The following OPRD1 variants were observed in gnomAD, a reference collection of about 807,000 sequenced individuals.
The protein encoded by OPRD1 is delta-type opioid receptor.
A neutral mutation model predicts 17.5 loss-of-function variants in OPRD1; 19 were observed. That is an observed-to-expected ratio of 1.09 (90% CI 0.76 to 1.60). OPRD1 has a LOEUF of 1.60. OPRD1 is among the 40% of genes most tolerant of loss of function. The pLI, the probability that OPRD1 is intolerant of heterozygous loss-of-function variation, is 0.00. For missense variants in OPRD1, 483 were observed against 547.2 expected (o/e 0.88, Z 1.17); for synonymous variants, 256 against 240.9 (o/e 1.06, Z -0.58).
chr1:28,834,068 T>C (rs560309794), intron 1 of OPRD1, among the ~76,000 whole-genome samples: 16 of 152,212 alleles, frequency 1.1e-4, no homozygotes, highest in African/African-American at 3.4e-4. Context: ...CACTCCACCA[T>C]GCCTGACTAA....
intron 1 of OPRD1, among the ~76,000 whole-genome samples, chr1:28,857,988 T>C (rs1364722672): frequency 4.6e-5 from 7 of 151,882 alleles, no homozygotes; most frequent in Admixed American, 3.9e-4. Context: ...AGACAGGGTT[T>C]CACCATGTTG....
Position 28,859,303 on chromosome 1 carries a change from G to GGTGA in OPRD1, c.577+12_577+15dup, listed in dbSNP as rs771766280. 5.6e-5 allele frequency: 90 copies of GGTGA among 1,609,716 alleles called. 1 individual carries two copies. The East Asian group carries it at 7.6e-4, about 14-fold the overall frequency. On this transcript the variant is annotated frameshift_variant and splice_region_variant. Coordinates refer to ENST00000234961, the MANE Select transcript of OPRD1 (RefSeq NM_000911.4). LOFTEE classifies it high-confidence loss of function. ...GGTCATGGCTGTGACCCGTCCCCGGGGTGAGTGAGTGAGTGCACCATGGCA... is the reference window on the plus strand; with the variant it reads ...GGTCATGGCTGTGACCCGTCCCCGGGGTGAGTGAGTGAGTGAGTGCACCATGGCA...
At position 28,817,907 on chromosome 1, in the gene OPRD1, G is replaced by A. The variant is rs909455369; in HGVS notation, c.227+5297G>A. Among the ~76,000 whole-genome samples the A allele has an allele frequency of 4.0e-5, 6 of 148,266 alleles. No homozygotes were observed. The East Asian group carries it at 6.9e-4, about 17-fold the overall frequency. The stretch of plus-strand genomic sequence containing the variant: ...TTTAGTAGAGATGGGCGGGGCGGGG[G>A]GGGGGTTTCACCATGTTGGCCAGGC... On this transcript the variant is annotated intron_variant, in intron 1 of 2. Coordinates refer to ENST00000234961, the MANE Select transcript of OPRD1 (RefSeq NM_000911.4).
chr1:28,850,480 C>T (rs1178089042), intron 1 of OPRD1, among the ~76,000 whole-genome samples: 1 of 152,040 alleles, frequency 6.6e-6, no homozygotes, highest in Non-Finnish European at 1.5e-5. Context: ...CGCTCCACCA[C>T]GCCTGGCTAA....
chr1:28,840,505 G>A (rs2124274753), intron 1 of OPRD1, among the ~76,000 whole-genome samples: 1 of 152,296 alleles, frequency 6.6e-6, no homozygotes, highest in Admixed American at 6.5e-5. Context: ...TGGGATTTCG[G>A]GGAAAAGCAC....
At chr1:28,846,967 T>TCTTC (rs1165813603) in intron 1 of OPRD1, among the ~76,000 whole-genome samples, 1 of 150,728 alleles carries the variant, frequency 6.6e-6, no homozygotes, top group Non-Finnish European at 1.5e-5. Flanking sequence ...TTTCTCTCTT[T>TCTTC]CTTCCTTCCT....
chr1:28,836,606 G>A (rs1322853726), intron 1 of OPRD1, among the ~76,000 whole-genome samples: 1 of 152,300 alleles, frequency 6.6e-6, no homozygotes, highest in Admixed American at 6.5e-5. Flanking sequence ...AGGCTCCGTG[G>A]AAGAACGCCT....
chr1:28,820,001 C>T (rs373583479), intron 1 of OPRD1, among the ~76,000 whole-genome samples: 2 of 152,012 alleles, frequency 1.3e-5, no homozygotes, highest in Admixed American at 1.3e-4. Context: ...ATCTGTGAAA[C>T]GGGAGTAGTG....
chr1:28,834,404 A>G (rs565935182), intron 1 of OPRD1, among the ~76,000 whole-genome samples: 73 of 139,784 alleles, frequency 5.2e-4, no homozygotes, highest in Non-Finnish European at 8.6e-4. Flanking sequence ...TTTTTGAGAT[A>G]GAGTCTTGCT....
chr1:28,851,372 G>A lies in OPRD1; in HGVS notation c.228-7582G>A, dbSNP rs1010262. ...GTCAAAGAAATCAGAAATTAGGATA[G>A]AATAACGACATTTTCAGACAAGCAA... On this transcript the variant is annotated intron_variant, in intron 1 of 2. Transcript: ENST00000234961. Among the ~76,000 whole-genome samples the A allele has an allele frequency of 5.0e-3, 765 of 152,284 alleles. 3 individuals are homozygous for A. Among genetic ancestry groups the A allele is most frequent in the African/African-American group, 0.018 (729 of 41,562 alleles).
intron 2 of OPRD1, among the ~76,000 whole-genome samples, chr1:28,860,475 G>C (rs1254680979): frequency 1.3e-5 from 2 of 152,126 alleles, no homozygotes; most frequent in Non-Finnish European, 2.9e-5. Flanking sequence ...CACAGACATA[G>C]TAACTAATTA....
At chr1:28,830,530 A>AAACAAC (rs532725797) in intron 1 of OPRD1, among the ~76,000 whole-genome samples, 1 of 152,092 alleles carries the variant, frequency 6.6e-6, no homozygotes, top group Non-Finnish European at 1.5e-5. Flanking sequence ...GTCAAAAATA[A>AAACAAC]AACAACAACA....
intron 1 of OPRD1, among the ~76,000 whole-genome samples, chr1:28,846,874 CTTTCTTTCTTTCTTTCTTTT>C (rs2088954920): frequency 7.0e-6 from 1 of 142,452 alleles, no homozygotes; most frequent in African/African-American, 2.8e-5. Flanking sequence ...TTCTTTCTTT[CTTTCTTTCTTTCTTTCTTTT>C]CTCTTTCTTT....
In OPRD1 at chr1:28,812,408, G is replaced by A. The variant is rs1398363424; in HGVS notation, c.25G>A (p.Ala9Thr). The A allele has an allele frequency of 1.0e-5, 15 of 1,454,502 alleles. No individual in the cohort carries two copies. In the African/African-American group the frequency reaches 1.6e-4, roughly 16 times the overall value. The allele number at this position is 1,454,502 out of a possible 1,614,324, so 90.1% of individuals were successfully genotyped here. MEPAPSAG[A>T]ELQPPLFANA... The stretch of plus-strand genomic sequence containing the variant: ...CATGGAACCGGCCCCCTCCGCCGGC[G>A]CCGAGCTGCAGCCCCCGCTCTTCGC... The change falls in exon 1 of 3, where the codon GCC (alanine) becomes ACC (threonine). Residue 9 changes from alanine (A) to threonine (T), a missense_variant. By Grantham distance (58) the Ala-to-Thr change is moderately conservative (BLOSUM62 0). Coordinates refer to ENST00000234961, the MANE Select transcript of OPRD1 (RefSeq NM_000911.4).
chr1:28,864,271 A>T lies in OPRD1; in HGVS notation c.*988A>T, dbSNP rs1319085634. 1 of 152,302 alleles carries T rather than the reference A, an allele frequency of 6.6e-6. No individual in the cohort carries two copies. The highest frequency in any genetic ancestry group is 1.5e-5 in the Non-Finnish European group (1 of 68,128). The allele number at this position is 152,302 out of a possible 1,614,324, so 9.4% of individuals were successfully genotyped here. A position where few individuals can be genotyped will look rare whatever the true frequency, so the allele number is the denominator to read the frequency against. ...AGTAAGACTCTGTCTCTCAAAAAGG[A>T]GAGAGAGGGAGAATGAGGGAAGAAG... On this transcript the variant is annotated 3_prime_UTR_variant, in exon 3 of 3. Coordinates refer to ENST00000234961, the MANE Select transcript of OPRD1 (RefSeq NM_000911.4).
intron 1 of OPRD1, among the ~76,000 whole-genome samples, chr1:28,857,487 G>A (rs904657284): frequency 6.6e-6 from 1 of 151,844 alleles, no homozygotes; most frequent in Non-Finnish European, 1.5e-5. Context: ...ATTTATTTTT[G>A]AGACAGTGTC....
At chr1:28,844,990 C>A (rs982291884) in intron 1 of OPRD1, among the ~76,000 whole-genome samples, 1 of 152,082 alleles carries the variant, frequency 6.6e-6, no homozygotes, top group Non-Finnish European at 1.5e-5. Flanking sequence ...AGGTGACCCA[C>A]CTGCCTTGGC....
Position 28,864,674 on chromosome 1 carries a change from T to G in OPRD1, c.*1391T>G, listed in dbSNP as rs2089157808. ...TTTCTGTGAGTCCCCAGGGCCCTAG[T>G]TTCTCTGGCCCAGATACTGGAGGAC... On this transcript the variant is annotated 3_prime_UTR_variant, in exon 3 of 3. Coordinates refer to ENST00000234961, the MANE Select transcript of OPRD1 (RefSeq NM_000911.4). 6.8e-6 allele frequency: 1 copy of G among 146,032 alleles called. No individual in the cohort carries two copies. The highest frequency in any genetic ancestry group is 7.0e-5 in the Admixed American group (1 of 14,334). 9.0% of individuals were successfully genotyped at this position (146,032 alleles called of 1,614,324 possible).
At chr1:28,822,076 C>T (rs1404058894) in intron 1 of OPRD1, among the ~76,000 whole-genome samples, 6 of 151,716 alleles carry the variant, frequency 4.0e-5, no homozygotes, top group East Asian at 3.9e-4. Context: ...CTCAGCCTCC[C>T]GAGTAGCTGG....
Sources: allele counts gnomAD v4.1 joint callset (sites outside exome capture counted in the v4.1 genomes callset), GRCh38; gene constraint gnomAD v4.1.1; transcripts MANE v1.5; gene names NCBI Gene and HGNC (gene_info 2026-07-23, HGNC 2026-07-21).